Variants in DACH2 observed in about 807,000 individuals in gnomAD.
DACH2 encodes dachshund homolog 2.
Under a neutral mutation model 35.8 loss-of-function variants are expected in DACH2, and 17 were observed. The observed-to-expected ratio is 0.48, with a 90% CI of 0.33 to 0.71. The LOEUF (loss-of-function observed/expected upper bound fraction) is 0.71. DACH2 is among the 30% of genes least tolerant of loss of function. The pLI is 0.02. For synonymous variants in DACH2, 195 were observed against 177.3 expected (o/e 1.10, Z -0.79); for missense variants, 469 against 472.7 (o/e 0.99, Z 0.07).
intron 7 of DACH2, among the ~76,000 whole-genome samples, chrX:86,756,492 T>A (rs2041830879): frequency 9.1e-6 from 1 of 109,795 alleles, no homozygotes; most frequent in Non-Finnish European, 1.9e-5. Flanking sequence ...TTTTTTTATT[T>A]TTGTAGCTAT....
At chrX:86,435,576 C>A (rs1351544456) in intron 2 of DACH2, among the ~76,000 whole-genome samples, 1 of 111,598 alleles carries the variant, frequency 9.0e-6, no homozygotes, top group Non-Finnish European at 1.9e-5. Flanking sequence ...AAAAAATTTC[C>A]CAACTGCCTG....
At chrX:86,661,961 C>T (rs754302891) in intron 4 of DACH2, among the ~76,000 whole-genome samples, 43 of 111,685 alleles carry the variant, frequency 3.9e-4, no homozygotes, top group Non-Finnish European at 7.5e-4. Context: ...CTTTAATGCC[C>T]TCTATAATAA....
chrX:86,214,269 A>G (rs1265390930), intron 1 of DACH2, among the ~76,000 whole-genome samples: 1 of 111,907 alleles, frequency 8.9e-6, no homozygotes, highest in East Asian at 2.8e-4. Context: ...CTTAAGAGAC[A>G]ATTTAGTTGC....
At chrX:86,787,104 A>G (rs918454264) in intron 7 of DACH2, among the ~76,000 whole-genome samples, 1 of 111,713 alleles carries the variant, frequency 9.0e-6, no homozygotes, top group Admixed American at 9.5e-5. Context: ...TTTCTTTGGT[A>G]AATTGCTTAC....
chrX:86,547,073 G>A (rs1349222070), intron 3 of DACH2, among the ~76,000 whole-genome samples: 2 of 110,618 alleles, frequency 1.8e-5, no homozygotes, highest in East Asian at 5.7e-4. Context: ...ATGCACCTGT[G>A]AATTAGATAC....
chrX:86,832,558 A>G lies in DACH2; in HGVS notation c.*403A>G, dbSNP rs950323519. ...TTAAAGTACACCTTCTTTGTTAAAAATGTACTTGCTAAACTTCAGCGTAAA... is the reference window on the plus strand; with the variant it reads ...TTAAAGTACACCTTCTTTGTTAAAAGTGTACTTGCTAAACTTCAGCGTAAA... On this transcript the variant is annotated 3_prime_UTR_variant, in exon 12 of 12. Transcript: ENST00000373125. The G allele has an allele frequency of 1.1e-4, 14 of 122,227 alleles. No homozygotes were observed. The highest frequency in any genetic ancestry group is 9.9e-5 in the Non-Finnish European group (6 of 60,304). The allele number at this position is 122,227 out of a possible 1,213,427, so 10.1% of individuals were successfully genotyped here. A position where few individuals can be genotyped will look rare whatever the true frequency, so the allele number is the denominator to read the frequency against.
chrX:86,164,759 T>C (rs2030883930), intron 1 of DACH2, among the ~76,000 whole-genome samples: 1 of 110,866 alleles, frequency 9.0e-6, no homozygotes. Context: ...TGAGGCCTTA[T>C]TTTTGGGTTC....
At chrX:86,727,241 C>A (rs2041480478) in intron 6 of DACH2, among the ~76,000 whole-genome samples, 1 of 111,346 alleles carries the variant, frequency 9.0e-6, no homozygotes, top group Non-Finnish European at 1.9e-5. Flanking sequence ...TGGCCTTTCC[C>A]AAAACCTCTT....
At chrX:86,759,574 T>A (rs6623771) in intron 7 of DACH2, among the ~76,000 whole-genome samples, 17,141 of 107,428 alleles carry the variant, frequency 0.16, 1,179 homozygotes, top group South Asian at 0.4. Flanking sequence ...TTTTTTTTTT[T>A]AAAAATCCAT....
rs181513010 is a variant in DACH2, at chrX:86,808,579, G to C, written c.1241-4277G>C. ...AGTTGGTCATTTTATTGTTGTAATT[G>C]TTCCTCAGTTTGTTAGAGGGAAGCA... On this transcript the variant is annotated intron_variant, in intron 7 of 11. Transcript: ENST00000373125. Among the ~76,000 whole-genome samples, 149 of 107,973 alleles carry C rather than the reference G, an allele frequency of 1.4e-3. 3 individuals carry two copies. Among genetic ancestry groups the C allele is most frequent in the Admixed American group, 0.013 (126 of 9,950 alleles). The allele number at this position is 107,973 out of a possible 115,157, so 93.8% of individuals were successfully genotyped here. A position where few individuals can be genotyped will look rare whatever the true frequency, so the allele number is the denominator to read the frequency against.
chrX:86,551,466 G>A (rs181338413), intron 3 of DACH2, among the ~76,000 whole-genome samples: 453 of 112,203 alleles, frequency 4.0e-3, no homozygotes, highest in South Asian at 0.022. Flanking sequence ...TCTCAATTGA[G>A]TTAATAAACA....
chrX:86,306,669 T>C (rs887243535), intron 1 of DACH2, among the ~76,000 whole-genome samples: 1 of 111,957 alleles, frequency 8.9e-6, no homozygotes, highest in Non-Finnish European at 1.9e-5. Flanking sequence ...CTTTCAAACA[T>C]TGGACTCCAA....
intron 2 of DACH2, among the ~76,000 whole-genome samples, chrX:86,434,010 C>T (rs182295862): frequency 4.0e-4 from 44 of 111,275 alleles, no homozygotes; most frequent in African/African-American, 1.4e-3. Context: ...GACATGAAGG[C>T]ATTAATTATT....
intron 3 of DACH2, among the ~76,000 whole-genome samples, chrX:86,529,869 A>T (rs1278229252): frequency 1.9e-5 from 2 of 107,786 alleles, no homozygotes; most frequent in African/African-American, 6.8e-5. Context: ...TAACGTAATG[A>T]CCTCCATTTC....
chrX:86,304,390 A>G (rs2034635854), intron 1 of DACH2: 1 of 112,004 alleles, frequency 8.9e-6, no homozygotes, highest in Non-Finnish European at 1.9e-5. Context: ...CAACTTTGAG[A>G]GCTACTGAGT....
At chrX:86,439,602 G>A (rs1359667443) in intron 2 of DACH2, among the ~76,000 whole-genome samples, 6 of 110,982 alleles carry the variant, frequency 5.4e-5, no homozygotes, top group African/African-American at 9.8e-5. Flanking sequence ...GCTCAGTTTC[G>A]TTCTTCTGCA....
At chrX:86,602,348 T>C (rs2148359658) in intron 3 of DACH2, among the ~76,000 whole-genome samples, 1 of 112,381 alleles carries the variant, frequency 8.9e-6, no homozygotes, top group Non-Finnish European at 1.9e-5. Flanking sequence ...TCATTGTAAG[T>C]TGTGGATGAA....
intron 1 of DACH2, among the ~76,000 whole-genome samples, chrX:86,240,367 A>G (rs1181829509): frequency 9.0e-6 from 1 of 110,660 alleles, no homozygotes; most frequent in Non-Finnish European, 1.9e-5. Context: ...AACTCAAATT[A>G]TTTGAGTTAA....
intron 1 of DACH2, among the ~76,000 whole-genome samples, chrX:86,294,040 C>T (rs78557975): frequency 8.9e-6 from 1 of 111,803 alleles, no homozygotes; most frequent in Non-Finnish European, 1.9e-5. Context: ...GTTCCATTCT[C>T]CCCGTCACTT....
Sources: allele counts gnomAD v4.1 joint callset (sites outside exome capture counted in the v4.1 genomes callset), GRCh38; gene constraint gnomAD v4.1.1; transcripts MANE v1.5; gene names NCBI Gene and HGNC (gene_info 2026-07-23, HGNC 2026-07-21).